UBXN2A: variants seen among roughly 807,000 people sequenced by gnomAD.
UBXN2A encodes UBX domain-containing protein 2A.
UBXN2A carries 28 observed loss-of-function variants against 28.4 expected under a neutral mutation model. The ratio of observed to expected loss-of-function variants is 0.99; its 90% confidence interval spans 0.73 to 1.35. UBXN2A has a LOEUF of 1.35. Ranked by LOEUF, UBXN2A falls within the 40% of genes most tolerant of loss-of-function variation. The probability of loss-of-function intolerance (pLI) is 0.00; values close to 1 mark genes in which losing one functional copy is unlikely to be tolerated. For synonymous variants in UBXN2A, 97 were observed against 103.6 expected, an observed-to-expected ratio of 0.94 and a Z score of 0.39; for missense variants, 253 against 297.9, an observed-to-expected ratio of 0.85 and a Z score of 1.11.
intron 2 of UBXN2A, among the ~76,000 whole-genome samples, chr2:23,960,136 G>T (rs1443014881): frequency 6.6e-6 from 1 of 152,026 alleles, no homozygotes; most frequent in Non-Finnish European, 1.5e-5. Context: ...GGTGCCTGTA[G>T]TCCCAGCTAC....
chr2:23,971,531 C>A, intron 3 of UBXN2A, 117 bp downstream of exon 3: 1 of 1,169,306 alleles, frequency 8.6e-7, no homozygotes, highest in Non-Finnish European at 1.1e-6. Context: ...CTCTGTCACC[C>A]AGACTGGAGT....
chr2:23,992,484 G>T (rs1708389916), intron 6 of UBXN2A, among the ~76,000 whole-genome samples: 2 of 152,214 alleles, frequency 1.3e-5, no homozygotes, highest in African/African-American at 4.8e-5. Flanking sequence ...CAAGGATAAG[G>T]TTGTTCCTTT....
chr2:23,995,107 T>G (rs1469520490), intron 6 of UBXN2A, among the ~76,000 whole-genome samples: 1 of 152,194 alleles, frequency 6.6e-6, no homozygotes, highest in Non-Finnish European at 1.5e-5. Flanking sequence ...GCCAATAACT[T>G]AAGAATTTGT....
chr2:23,983,119 G>A (rs1707982872), intron 5 of UBXN2A, 86 bp downstream of exon 5: 10 of 1,326,160 alleles, frequency 7.5e-6, no homozygotes, highest in Non-Finnish European at 9.8e-6. Flanking sequence ...TAGACCACAT[G>A]AATGGAGCTT....
intron 5 of UBXN2A, among the ~76,000 whole-genome samples, chr2:23,984,355 G>A (rs943576699): frequency 1.3e-5 from 2 of 152,104 alleles, no homozygotes; most frequent in African/African-American, 4.8e-5. Context: ...AACCTGGGCA[G>A]TAGGTAAAGG....
chr2:23,930,250 C>T (rs1349741897), intron 1 of UBXN2A, among the ~76,000 whole-genome samples: 1 of 151,990 alleles, frequency 6.6e-6, no homozygotes, highest in Non-Finnish European at 1.5e-5. Flanking sequence ...CCAGCCTGGG[C>T]AACATAGTGA....
intron 5 of UBXN2A, among the ~76,000 whole-genome samples, chr2:23,984,126 A>G (rs950740087): frequency 6.6e-6 from 1 of 152,240 alleles, no homozygotes; most frequent in African/African-American, 2.4e-5. Context: ...CTAACAGAAT[A>G]TGCAGAGAGA....
intron 1 of UBXN2A, chr2:23,944,311 T>C (rs776196393): frequency 2.5e-6 from 4 of 1,604,670 alleles, no homozygotes; most frequent in Non-Finnish European, 3.4e-6. Flanking sequence ...GTGGTTGTCC[T>C]GGTTCTTACT....
chr2:23,984,965 A>G (rs1471638999), intron 6 of UBXN2A, 134 bp downstream of exon 6: 16 of 915,796 alleles, frequency 1.7e-5, no homozygotes, highest in Middle Eastern at 3.6e-4. Context: ...GCAGTGGCAC[A>G]GTCATAGCTC....
intron 1 of UBXN2A, among the ~76,000 whole-genome samples, chr2:23,952,703 A>G (rs1488826649): frequency 2.0e-5 from 3 of 152,152 alleles, no homozygotes; most frequent in Non-Finnish European, 4.4e-5. Flanking sequence ...TTGGCCTCCC[A>G]AAGTGTTGGT....
intron 1 of UBXN2A, chr2:23,927,708 G>A (rs1023827599): frequency 6.6e-6 from 1 of 151,752 alleles, no homozygotes; most frequent in Non-Finnish European, 1.5e-5. Context: ...TATCCCCTTA[G>A]CCAGATCTAA....
intron 2 of UBXN2A, among the ~76,000 whole-genome samples, chr2:23,960,921 C>A (rs963149403): frequency 2.0e-5 from 3 of 152,126 alleles, no homozygotes; most frequent in African/African-American, 7.2e-5. Context: ...AGGTGTGAGC[C>A]ACCATGCCTG....
intron 6 of UBXN2A, among the ~76,000 whole-genome samples, chr2:23,996,115 G>A (rs1708522091): frequency 6.7e-6 from 1 of 149,366 alleles, no homozygotes; most frequent in Admixed American, 6.7e-5. Flanking sequence ...CGCCAAGGCT[G>A]GAGTGCAGTG....
At chr2:23,998,688 T>G (rs554076999) in intron 6 of UBXN2A, among the ~76,000 whole-genome samples, 35 of 152,178 alleles carry the variant, frequency 2.3e-4, no homozygotes, top group African/African-American at 8.4e-4. Context: ...GCCGCTGCAT[T>G]CCAGCCCAGG....
chr2:23,944,022 T>C lies in UBXN2A; in HGVS notation c.-15+3374T>C, dbSNP rs113067638. The C allele has an allele frequency of 5.6e-4, 307 of 545,038 alleles. 2 individuals carry two copies. Among genetic ancestry groups the C allele is most frequent in the African/African-American group, 5.3e-3 (280 of 52,596 alleles). The allele number at this position is 545,038 out of a possible 1,614,324, so 33.8% of individuals were successfully genotyped here. Reference sequence around the variant, plus strand: ...TCCCGTATCTCCCCACGTCACTATCTAGAGTTGGTGTCTTCCTATGTCGAT... The same window carrying C: ...TCCCGTATCTCCCCACGTCACTATCCAGAGTTGGTGTCTTCCTATGTCGAT... On this transcript the variant is annotated intron_variant, in intron 1 of 6. Coordinates refer to ENST00000309033, the MANE Select transcript of UBXN2A (RefSeq NM_181713.4).
At chr2:23,935,582 TACAC>T (rs1705499611), upstream of UBXN2A, among the ~76,000 whole-genome samples, 1 of 152,130 alleles carries the variant, frequency 6.6e-6, no homozygotes, top group Non-Finnish European at 1.5e-5. Context: ...TAAACACACA[TACAC>T]ATACACACAC....
intron 2 of UBXN2A, among the ~76,000 whole-genome samples, chr2:23,962,804 C>A (rs996635355): frequency 2.0e-5 from 3 of 152,058 alleles, no homozygotes; most frequent in African/African-American, 7.2e-5. Context: ...CAGGGTTTCT[C>A]CATGTTGGTC....
chr2:23,939,678 T>G (rs1286814187), upstream of UBXN2A: 2 of 152,548 alleles, frequency 1.3e-5, no homozygotes, highest in Admixed American at 6.6e-5. Context: ...TACAGGCAGG[T>G]CAGCTAACTA....
chr2:23,972,595 G>A (rs1387192966), intron 3 of UBXN2A, among the ~76,000 whole-genome samples: 2 of 152,086 alleles, frequency 1.3e-5, no homozygotes, highest in Non-Finnish European at 2.9e-5. Flanking sequence ...AGGCTGAGGC[G>A]GGTGGATCAC....
Sources: gnomAD v4.1 joint callset for allele counts (sites outside exome capture counted in the v4.1 genomes callset) on GRCh38, gnomAD v4.1.1 for gene constraint, MANE v1.5 for transcripts, NCBI Gene and HGNC (gene_info 2026-07-23, HGNC 2026-07-21) for gene names.